Variants in TGS1 observed in about 807,000 individuals in gnomAD.
TGS1 encodes trimethylguanosine synthase.
TGS1 carries 69 observed loss-of-function variants against 92.2 expected under a neutral mutation model. The ratio of observed to expected loss-of-function variants is 0.75; its 90% CI spans 0.62 to 0.91. TGS1 has a LOEUF of 0.91. Among genes scored for constraint, TGS1 ranks in the 40% least tolerant of loss-of-function variants. TGS1 has a pLI of 0.00. For synonymous variants in TGS1, 345 were observed against 338.1 expected, an observed-to-expected ratio of 1.02 and a Z score of -0.22; for missense variants, 1,062 against 1,001.2, an observed-to-expected ratio of 1.06 and a Z score of -0.82.
At chr8:55,799,470 C>T (rs1410978105) in intron 8 of TGS1, among the ~76,000 whole-genome samples, 4 of 152,186 alleles carry the variant, frequency 2.6e-5, no homozygotes, top group Non-Finnish European at 5.9e-5. Context: ...AGCATTGTGT[C>T]TGCAGACCAC....
Position 55,786,946 on chromosome 8 carries a change from G to C in TGS1, c.1048G>C (p.Glu350Gln). ...TCATGATGGTCATCAACAGCTAAGT[G>C]AAGTTAGTAGCAAAAGAGAGTGCCC... ...TSHDGHQQLS[E>Q]VSSKRECPAS... is the part of the protein sequence containing the mutation. The change falls in exon 4 of 13, where the codon GAA becomes CAA. Residue 350 changes from glutamate (E) to glutamine (Q), a missense_variant. Transcript: ENST00000260129. 1 of 1,614,136 alleles carries C rather than the reference G, an allele frequency of 6.2e-7. No homozygotes were observed. Among genetic ancestry groups the C allele is most frequent in the Non-Finnish European group, 8.5e-7 (1 of 1,180,024 alleles).
chr8:55,796,613 G>A (rs911788269), intron 7 of TGS1, among the ~76,000 whole-genome samples: 12 of 150,390 alleles, frequency 8.0e-5, no homozygotes, highest in Admixed American at 3.3e-4. Flanking sequence ...GCCTGAACCC[G>A]GGAGGCGAAG....
intron 1 of TGS1, among the ~76,000 whole-genome samples, chr8:55,781,200 A>G (rs1411517336): frequency 6.6e-6 from 1 of 152,120 alleles, no homozygotes; most frequent in African/African-American, 2.4e-5. Context: ...ACTTTTAAAA[A>G]CTATTTTTAT....
chr8:55,791,481 C>G (rs1811885415), intron 5 of TGS1, among the ~76,000 whole-genome samples: 1 of 152,240 alleles, frequency 6.6e-6, no homozygotes, highest in Admixed American at 6.5e-5. Context: ...GGTTGTGCCA[C>G]TCCTGAAGCA....
intron 12 of TGS1, among the ~76,000 whole-genome samples, chr8:55,818,124 C>G (rs954835850): frequency 1.3e-5 from 2 of 152,222 alleles, no homozygotes; most frequent in Non-Finnish European, 2.9e-5. Context: ...ACAGATTTAT[C>G]TGTTATCACA....
intron 4 of TGS1, among the ~76,000 whole-genome samples, chr8:55,788,057 G>A (rs1054459841): frequency 1.4e-4 from 21 of 152,218 alleles, no homozygotes; most frequent in African/African-American, 5.1e-4. Context: ...TAAACATGAG[G>A]TTTAGAGGGG....
intron 4 of TGS1, 127 bp from the exon 5 acceptor site, chr8:55,790,055 G>A: frequency 3.0e-6 from 2 of 665,492 alleles, no homozygotes; most frequent in Middle Eastern, 7.4e-4. Flanking sequence ...GATGTGAGCT[G>A]GCACTTTGAT....
At chr8:55,779,476 T>G (rs1012572251) in intron 1 of TGS1, among the ~76,000 whole-genome samples, 2 of 152,156 alleles carry the variant, frequency 1.3e-5, no homozygotes, top group African/African-American at 4.8e-5. Context: ...TCCAGAAGGC[T>G]TACAGGCTAG....
chr8:55,777,643 A>T (rs1379170568), intron 1 of TGS1, among the ~76,000 whole-genome samples: 1 of 151,444 alleles, frequency 6.6e-6, no homozygotes, highest in Non-Finnish European at 1.5e-5. Context: ...AGATTCAAGC[A>T]ATTCTCGTGC....
chr8:55,818,019 A>G (rs937468061), intron 12 of TGS1, among the ~76,000 whole-genome samples: 2 of 152,290 alleles, frequency 1.3e-5, no homozygotes, highest in Middle Eastern at 3.4e-3. Context: ...AAGGCTATGG[A>G]GGTATGGTGA....
chr8:55,802,938 G>A (rs1812261350), intron 9 of TGS1, among the ~76,000 whole-genome samples: 1 of 151,078 alleles, frequency 6.6e-6, no homozygotes, highest in East Asian at 1.9e-4. Context: ...TTCATTAATT[G>A]TCCTAATCTT....
intron 6 of TGS1, among the ~76,000 whole-genome samples, chr8:55,794,052 TC>T (rs1811969517): frequency 6.6e-6 from 1 of 152,202 alleles, no homozygotes; most frequent in Non-Finnish European, 1.5e-5. Flanking sequence ...TTTAGCTAAT[TC>T]TGTAAATGAG....
intron 10 of TGS1, among the ~76,000 whole-genome samples, chr8:55,806,003 G>A (rs984771957): frequency 2.0e-5 from 3 of 150,698 alleles, no homozygotes; most frequent in African/African-American, 4.9e-5. Context: ...AGGCTGCAGT[G>A]AGCTGTGATT....
chr8:55,812,242 G>A (rs1313190675), intron 11 of TGS1, among the ~76,000 whole-genome samples: 2 of 151,972 alleles, frequency 1.3e-5, no homozygotes, highest in African/African-American at 2.4e-5. Context: ...AATTTAGAGT[G>A]TACTCCGGGA....
intron 10 of TGS1, among the ~76,000 whole-genome samples, chr8:55,810,401 T>TA (rs2130224586): frequency 6.6e-6 from 1 of 152,388 alleles, no homozygotes; most frequent in African/African-American, 2.4e-5. Context: ...CTTGGCTACA[T>TA]AAGTTTGTAA....
chr8:55,776,277 C>CTTTT (rs71256565), intron 1 of TGS1, among the ~76,000 whole-genome samples: 7 of 120,526 alleles, frequency 5.8e-5, no homozygotes, highest in African/African-American at 1.3e-4. Context: ...TTCACGGTGT[C>CTTTT]TTTTTTTTTT....
At position 55,773,617 on chromosome 8, in the gene TGS1, A is replaced by G. The variant is rs753877791; in HGVS notation, c.-2A>G. On this transcript the variant is annotated 5_prime_UTR_variant, in exon 1 of 13. Coordinates refer to ENST00000260129, the MANE Select transcript of TGS1 (RefSeq NM_024831.8). ...CGTCAGAGCTGCCTCCGAAGTGGTA[A>G]AATGTGCTGCGAGAAGTGGAGCCGC... 3 of 1,609,566 alleles carry G rather than the reference A, an allele frequency of 1.9e-6. No individual in the cohort carries two copies. Among genetic ancestry groups the G allele is most frequent in the East Asian group, 2.3e-5 (1 of 44,410 alleles).
chr8:55,824,595 T>C lies in TGS1; in HGVS notation c.2454T>C (p.Ala818=). The change falls in exon 13 of 13, where the codon GCT becomes GCC. Residue 818 remains alanine, a synonymous_variant. Transcript: ENST00000260129. ...NADIDQVASL[A]GPGGQVEIEQ... is the part of the protein sequence containing the mutation. Reference sequence around the variant, plus strand: ...CATCTTTTTAGGTGGCATCCTTAGCTGGGCCTGGAGGGCAAGTGGAAATAG... The same window carrying C: ...CATCTTTTTAGGTGGCATCCTTAGCCGGGCCTGGAGGGCAAGTGGAAATAG... The C allele has an allele frequency of 6.2e-7, 1 of 1,614,250 alleles. No individual in the cohort carries two copies.
intron 12 of TGS1, among the ~76,000 whole-genome samples, 155 bp from the exon 13 acceptor site, chr8:55,824,426 A>G (rs1803737263): frequency 6.6e-6 from 1 of 152,220 alleles, no homozygotes; most frequent in Non-Finnish European, 1.5e-5. Flanking sequence ...TATTGCATCG[A>G]TGCCTGGGAA....
Sources: gnomAD v4.1 joint callset for allele counts (sites outside exome capture counted in the v4.1 genomes callset) on GRCh38, gnomAD v4.1.1 for gene constraint, MANE v1.5 for transcripts, NCBI Gene and HGNC (gene_info 2026-07-23, HGNC 2026-07-21) for gene names.